The following PRKCI variants were observed in gnomAD, a reference collection of about 807,000 sequenced individuals.
The protein encoded by PRKCI is protein kinase C iota type.
PRKCI carries 43 observed loss-of-function variants against 84.0 expected under a neutral mutation model. That is an observed-to-expected ratio of 0.51 (90% CI 0.40 to 0.66). The LOEUF (loss-of-function observed/expected upper bound fraction) is 0.66. PRKCI is among the 30% of genes least tolerant of loss of function. The pLI, the probability that PRKCI is intolerant of heterozygous loss-of-function variation, is 0.00. For synonymous variants in PRKCI, 216 were observed against 234.4 expected (o/e 0.92, Z 0.72); for missense variants, 459 against 745.6 (o/e 0.62, Z 4.48).
chr3:170,234,742 A>G (rs1445681392), intron 1 of PRKCI, among the ~76,000 whole-genome samples: 1 of 152,076 alleles, frequency 6.6e-6, no homozygotes, highest in Non-Finnish European at 1.5e-5. Context: ...ATTTTTAAAA[A>G]CTATTTAAAA....
chr3:170,250,452 A>G (rs1733415676), intron 2 of PRKCI, among the ~76,000 whole-genome samples: 2 of 106,122 alleles, frequency 1.9e-5, no homozygotes, highest in Admixed American at 2.4e-4. Context: ...CCCAAAAAAA[A>G]ATCTCGTGTC....
At chr3:170,278,837 G>A (rs920448696) in intron 8 of PRKCI, among the ~76,000 whole-genome samples, 3 of 152,176 alleles carry the variant, frequency 2.0e-5, no homozygotes, top group African/African-American at 7.2e-5. Context: ...CATGGCAAGA[G>A]AGGGAGCAAG....
At chr3:170,244,102 T>G (rs1438228203) in intron 2 of PRKCI, among the ~76,000 whole-genome samples, 1 of 152,234 alleles carries the variant, frequency 6.6e-6, no homozygotes, top group African/African-American at 2.4e-5. Context: ...GGTCTGTTGA[T>G]TCCCATGAGA....
At chr3:170,297,728 T>G (rs1734721096) in intron 16 of PRKCI, among the ~76,000 whole-genome samples, 1 of 151,826 alleles carries the variant, frequency 6.6e-6, no homozygotes, top group Admixed American at 6.6e-5. Flanking sequence ...AGTGCTGGGA[T>G]TACAGATGTG....
chr3:170,282,905 G>C (rs1292138957), intron 11 of PRKCI, among the ~76,000 whole-genome samples: 2 of 151,806 alleles, frequency 1.3e-5, no homozygotes, highest in Non-Finnish European at 2.9e-5. Flanking sequence ...AAGAAATCGA[G>C]ACCATCCTGG....
chr3:170,223,669 A>C (rs551958665), intron 1 of PRKCI, among the ~76,000 whole-genome samples: 27 of 152,304 alleles, frequency 1.8e-4, no homozygotes, highest in African/African-American at 6.3e-4. Context: ...GTGAAATGTT[A>C]GTGTGACCAT....
chr3:170,253,899 C>A (rs914862815), intron 2 of PRKCI, among the ~76,000 whole-genome samples: 1 of 151,898 alleles, frequency 6.6e-6, no homozygotes, highest in Non-Finnish European at 1.5e-5. Flanking sequence ...GAGTTCCAGA[C>A]CAGCCAGGCC....
In PRKCI at chr3:170,260,024, T is replaced by C. The variant is rs199886560; in HGVS notation, c.279T>C (p.Tyr93=). The change falls in exon 3 of 18, where the codon TAT becomes TAC. Residue 93 remains tyrosine, a synonymous_variant. Coordinates refer to ENST00000295797, the MANE Select transcript of PRKCI (RefSeq NM_002740.6). ...QLELEEAFRL[Y]ELNKDSELLI... is the part of the protein sequence containing the mutation. ...AGTTAGAAGAAGCCTTTAGACTTTA[T>C]GAGCTAAACAAGGATTCTGAACTCT... 1.1e-4 allele frequency: 176 copies of C among 1,612,404 alleles called. No homozygotes were observed. Among genetic ancestry groups the C allele is most frequent in the Non-Finnish European group, 1.4e-4 (170 of 1,178,894 alleles).
rs112482352 is a variant in PRKCI at position 170,245,949 on chromosome 3, GTTTTT to G, written c.223+10615_223+10619del. 2.4e-3 allele frequency among the ~76,000 whole-genome samples: 202 copies of G among 82,456 alleles called. 2 individuals carry two copies. Among genetic ancestry groups the G allele is most frequent in the South Asian group, 0.016 (41 of 2,568 alleles). The allele number at this position is 82,456 out of a possible 152,430, so 54.1% of individuals were successfully genotyped here. On this transcript the variant is annotated intron_variant, in intron 2 of 17. Coordinates refer to ENST00000295797, the MANE Select transcript of PRKCI (RefSeq NM_002740.6). ...TTTTTTCCCTGGATGTTATGTCTTT[GTTTTT>G]TTTTTTTTTTTTTTTTCTGACACAA... is the stretch of plus-strand genomic sequence containing the variant.
intron 3 of PRKCI, among the ~76,000 whole-genome samples, chr3:170,262,670 A>G (rs1208592360): frequency 6.6e-6 from 1 of 151,898 alleles, no homozygotes; most frequent in African/African-American, 2.4e-5. Flanking sequence ...TTTGGTAGAG[A>G]CAGAGTTTTA....
At position 170,298,961 on chromosome 3, in the gene PRKCI, C is replaced by G. The variant is rs368408605; in HGVS notation, c.1588-34C>G. On this transcript the variant is annotated intron_variant, in intron 16 of 17. Transcript: ENST00000295797. ...TAGAGGTGGAGTTTTTCTAAGAATA[C>G]AGACTTGAGCTGTCATCCAGTATGT... The G allele has an allele frequency of 3.2e-5, 45 of 1,427,938 alleles. No individual in the cohort carries two copies. In the African/African-American group the frequency reaches 6.0e-4, roughly 19 times the overall value. The allele number at this position is 1,427,938 out of a possible 1,614,324, so 88.5% of individuals were successfully genotyped here. A position where few individuals can be genotyped will look rare whatever the true frequency, so the allele number is the denominator to read the frequency against.
Position 170,303,028 on chromosome 3 carries a change from TTC to T in PRKCI, c.1704-10_1704-9del, listed in dbSNP as rs747924347. The T allele has an allele frequency of 2.1e-5, 33 of 1,560,572 alleles. No individual in the cohort carries two copies. Among genetic ancestry groups the T allele is most frequent in the Non-Finnish European group, 2.6e-5 (30 of 1,146,116 alleles). On this transcript the variant is annotated splice_polypyrimidine_tract_variant and intron_variant, in intron 17 of 17. Coordinates refer to ENST00000295797, the MANE Select transcript of PRKCI (RefSeq NM_002740.6). ...GATTATGATGAAAATAAATTTATTT[TTC>T]TTTCAACAGTGACATTGTGAGGAAG...
chr3:170,244,449 C>T (rs1477115633), intron 2 of PRKCI, among the ~76,000 whole-genome samples: 4 of 152,184 alleles, frequency 2.6e-5, no homozygotes, highest in Admixed American at 2.0e-4. Context: ...GGTGGTACAT[C>T]TGGACCCGGC....
intron 5 of PRKCI, 59 bp from the exon 6 acceptor site, chr3:170,270,362 T>C (rs1733968185): frequency 6.8e-7 from 1 of 1,476,610 alleles, no homozygotes; most frequent in Admixed American, 1.9e-5. Context: ...CAGCAAACTA[T>C]TTGGGAAATG....
At chr3:170,250,485 C>T (rs1232852561) in intron 2 of PRKCI, among the ~76,000 whole-genome samples, 2 of 122,982 alleles carry the variant, frequency 1.6e-5, no homozygotes, top group Non-Finnish European at 3.2e-5. Context: ...CTACTTGTTT[C>T]CCCCCTACCC....
chr3:170,260,118 A>T, intron 3 of PRKCI, 60 bp downstream of exon 3: 2 of 1,074,408 alleles, frequency 1.9e-6, no homozygotes, highest in South Asian at 1.5e-5. Flanking sequence ...ATCACTCTTT[A>T]TTCTTCACCA....
At chr3:170,247,068 ACTTTTTTGT>A in intron 2 of PRKCI, among the ~76,000 whole-genome samples, 1 of 151,630 alleles carries the variant, frequency 6.6e-6, no homozygotes, top group Admixed American at 6.6e-5. Flanking sequence ...TGCTTTTAAG[ACTTTTTTGT>A]TTTGTTTTGT....
intron 2 of PRKCI, among the ~76,000 whole-genome samples, chr3:170,251,912 A>C (rs1454327164): frequency 1.3e-5 from 2 of 151,070 alleles, no homozygotes; most frequent in Non-Finnish European, 3.0e-5. Context: ...TCTCAAAAAA[A>C]AAAAAGAAAT....
intron 1 of PRKCI, among the ~76,000 whole-genome samples, chr3:170,223,467 G>A (rs1732548982): frequency 6.6e-6 from 1 of 152,140 alleles, no homozygotes; most frequent in African/African-American, 2.4e-5. Context: ...TGCAAGGTGA[G>A]GAGACTAGCC....
Sources: allele counts gnomAD v4.1 joint callset (sites outside exome capture counted in the v4.1 genomes callset), GRCh38; gene constraint gnomAD v4.1.1; transcripts MANE v1.5; gene names NCBI Gene and HGNC (gene_info 2026-07-23, HGNC 2026-07-21).